The following GSG1L variants were observed in gnomAD, a reference collection of about 807,000 sequenced individuals.
The protein encoded by GSG1L is germ cell-specific gene 1-like protein.
A neutral mutation model predicts 42.1 loss-of-function variants in GSG1L; 24 were observed. The observed-to-expected ratio is 0.57, with a 90% CI of 0.41 to 0.80. The LOEUF is 0.80. Among genes scored for constraint, GSG1L ranks in the 30% least tolerant of loss-of-function variants. The pLI is 0.00. For synonymous variants in GSG1L, 215 were observed against 203.5 expected, an observed-to-expected ratio of 1.06 and a Z score of -0.48; for missense variants, 445 against 472.2, an observed-to-expected ratio of 0.94 and a Z score of 0.53.
intron 3 of GSG1L, among the ~76,000 whole-genome samples, chr16:27,845,694 C>T (rs1192634854): frequency 6.6e-6 from 1 of 152,028 alleles, no homozygotes; most frequent in Admixed American, 6.6e-5. Flanking sequence ...ACCCCAAAAG[C>T]CTATTATATT....
chr16:28,056,487 G>GA (rs533150091), intron 1 of GSG1L, among the ~76,000 whole-genome samples: 15 of 92,450 alleles, frequency 1.6e-4, no homozygotes, highest in African/African-American at 6.0e-4. Flanking sequence ...GGGGAGGGGG[G>GA]AGGGATAGCA....
At chr16:27,820,838 GGGA>G (rs1435684978) in intron 5 of GSG1L, among the ~76,000 whole-genome samples, 2 of 152,308 alleles carry the variant, frequency 1.3e-5, no homozygotes, top group Non-Finnish European at 2.9e-5. Context: ...CAGACACCGT[GGGA>G]GGAGAAGAGA....
intron 1 of GSG1L, among the ~76,000 whole-genome samples, chr16:28,054,484 C>T (rs2141198085): frequency 6.6e-6 from 1 of 152,100 alleles, no homozygotes; most frequent in South Asian, 2.1e-4. Context: ...CAAAAATTAG[C>T]CCAGTGTAGT....
At chr16:27,972,221 G>A (rs1289139070) in intron 1 of GSG1L, among the ~76,000 whole-genome samples, 1 of 152,262 alleles carries the variant, frequency 6.6e-6, no homozygotes, top group Non-Finnish European at 1.5e-5. Flanking sequence ...AGGCTAAACA[G>A]AAGATGTTTA....
intron 5 of GSG1L, among the ~76,000 whole-genome samples, chr16:27,809,158 C>T (rs142230983): frequency 2.6e-4 from 40 of 152,166 alleles, no homozygotes; most frequent in African/African-American, 9.2e-4. Context: ...TTTGGGAGGC[C>T]GAGGCAGGAG....
At chr16:27,892,618 C>T (rs1160364024) in intron 2 of GSG1L, among the ~76,000 whole-genome samples, 3 of 151,870 alleles carry the variant, frequency 2.0e-5, no homozygotes, top group African/African-American at 2.4e-5. Context: ...ACAGAAACCC[C>T]GTCTCTACTA....
At position 27,841,190 on chromosome 16, in the gene GSG1L, G is replaced by T. The variant is rs568717677; in HGVS notation, c.662+3760C>A. On this transcript the variant is annotated intron_variant, in intron 4 of 6. Coordinates refer to ENST00000447459, the MANE Select transcript of GSG1L (RefSeq NM_001109763.2). ...CTGAGGACACAGAGGTGCAGAGGAG[G>T]TAAGTGACTTGGCCAAGGTCCCCGG... Among the ~76,000 whole-genome samples the T allele has an allele frequency of 3.3e-5, 5 of 152,276 alleles. No homozygotes were observed. In the East Asian group the frequency reaches 9.7e-4, roughly 29 times the overall value.
intron 2 of GSG1L, among the ~76,000 whole-genome samples, chr16:27,946,605 G>A (rs143175783): frequency 0.032 from 195 of 6,064 alleles, 6 homozygotes; most frequent in Admixed American, 0.051. Flanking sequence ...GAGAGAGAGA[G>A]AGAGAGAGAG....
intron 2 of GSG1L, among the ~76,000 whole-genome samples, chr16:27,897,386 A>C (rs2084203647): frequency 6.6e-6 from 1 of 151,848 alleles, no homozygotes; most frequent in Admixed American, 6.6e-5. Flanking sequence ...GCAACCTCCA[A>C]CTCCTGGGCT....
At chr16:27,964,781 A>T (rs1392127216) in intron 1 of GSG1L, among the ~76,000 whole-genome samples, 1 of 152,188 alleles carries the variant, frequency 6.6e-6, no homozygotes. Context: ...TGGGAAGGGT[A>T]GTAGGGGATT....
At chr16:27,985,204 T>G (rs1203030050) in intron 1 of GSG1L, among the ~76,000 whole-genome samples, 1 of 152,128 alleles carries the variant, frequency 6.6e-6, no homozygotes, top group Non-Finnish European at 1.5e-5. Context: ...GTTTGTCCCC[T>G]CTAAATCTCA....
At chr16:27,949,849 C>T (rs1439567507) in intron 2 of GSG1L, among the ~76,000 whole-genome samples, 4 of 152,132 alleles carry the variant, frequency 2.6e-5, no homozygotes, top group African/African-American at 4.8e-5. Context: ...GGCATGAACC[C>T]GGGAGGCAGA....
intron 2 of GSG1L, among the ~76,000 whole-genome samples, chr16:27,911,741 C>A (rs1430143551): frequency 6.6e-6 from 1 of 152,160 alleles, no homozygotes; most frequent in Non-Finnish European, 1.5e-5. Flanking sequence ...CAAATGTCAC[C>A]TTCTTGAGAA....
intron 1 of GSG1L, among the ~76,000 whole-genome samples, chr16:28,032,659 C>A (rs1210332303): frequency 6.6e-6 from 1 of 152,192 alleles, no homozygotes; most frequent in Non-Finnish European, 1.5e-5. Context: ...AATAAACAAA[C>A]AAAAACCTCT....
At chr16:27,960,041 G>T (rs559595095) in intron 2 of GSG1L, among the ~76,000 whole-genome samples, 1 of 152,050 alleles carries the variant, frequency 6.6e-6, no homozygotes, top group African/African-American at 2.4e-5. Flanking sequence ...GTGAGCAGGG[G>T]ACAAGAGGGT....
chr16:28,035,869 C>G (rs147951717), intron 1 of GSG1L, among the ~76,000 whole-genome samples: 22 of 152,308 alleles, frequency 1.4e-4, no homozygotes, highest in African/African-American at 4.8e-4. Flanking sequence ...GGCCACTTCA[C>G]TGCTTCCAGA....
intron 2 of GSG1L, among the ~76,000 whole-genome samples, chr16:27,898,161 T>C (rs1238093342): frequency 6.6e-6 from 1 of 152,192 alleles, no homozygotes; most frequent in Non-Finnish European, 1.5e-5. Flanking sequence ...GCCTGTGAGA[T>C]ATGTCACGGT....
At chr16:27,859,014 A>G (rs2140997928) in intron 3 of GSG1L, among the ~76,000 whole-genome samples, 1 of 152,268 alleles carries the variant, frequency 6.6e-6, no homozygotes, top group South Asian at 2.1e-4. Context: ...GAAGAGACCA[A>G]GTGTGTTCAC....
At chr16:28,009,393 A>G (rs2085687736) in intron 1 of GSG1L, among the ~76,000 whole-genome samples, 1 of 151,310 alleles carries the variant, frequency 6.6e-6, no homozygotes, top group African/African-American at 2.4e-5. Context: ...CTTACCCCAG[A>G]CCCTGATGGA....
Sources: allele counts gnomAD v4.1 joint callset (sites outside exome capture counted in the v4.1 genomes callset), GRCh38; gene constraint gnomAD v4.1.1; transcripts MANE v1.5; gene names NCBI Gene and HGNC (gene_info 2026-07-23, HGNC 2026-07-21).